Variants in TNKS observed in about 807,000 individuals in gnomAD.
The protein encoded by TNKS is tankyrase.
TNKS carries 72 observed loss-of-function variants against 135.8 expected under a neutral mutation model. The observed-to-expected ratio is 0.53, with a 90% confidence interval of 0.44 to 0.64. The LOEUF is 0.64. Ranked by LOEUF, TNKS falls within the 30% of genes least tolerant of loss-of-function variation. TNKS has a pLI of 0.00. For missense variants in TNKS, 1,769 were observed against 1,674.0 expected (o/e 1.06, Z -0.99); for synonymous variants, 849 against 649.3 (o/e 1.31, Z -4.68).
At chr8:9,556,835 A>G in intron 1 of TNKS, 1 of 592,838 alleles carries the variant, frequency 1.7e-6, no homozygotes, top group Non-Finnish European at 3.0e-6. Flanking sequence ...GTGGTTGCAC[A>G]GTACTCATTA....
chr8:9,714,724 G>A (rs1804518557), intron 11 of TNKS, among the ~76,000 whole-genome samples: 1 of 152,176 alleles, frequency 6.6e-6, no homozygotes, highest in African/African-American at 2.4e-5. Flanking sequence ...ACCTGGAAAT[G>A]AATTGGGTGT....
intron 3 of TNKS, among the ~76,000 whole-genome samples, chr8:9,660,336 C>T (rs953991305): frequency 4.0e-4 from 61 of 152,238 alleles, no homozygotes; most frequent in African/African-American, 1.4e-3. Flanking sequence ...CAAAAATCCT[C>T]AATAAAATAC....
At chr8:9,663,843 G>A (rs1338933556) in intron 3 of TNKS, among the ~76,000 whole-genome samples, 1 of 152,182 alleles carries the variant, frequency 6.6e-6, no homozygotes, top group African/African-American at 2.4e-5. Flanking sequence ...CTCCCTCCCA[G>A]TGCTCCACCT....
intron 3 of TNKS, among the ~76,000 whole-genome samples, chr8:9,664,355 A>G (rs1801887271): frequency 6.6e-6 from 1 of 152,182 alleles, no homozygotes; most frequent in South Asian, 2.1e-4. Context: ...TAATAGAGTG[A>G]GAACTCACTC....
intron 2 of TNKS, among the ~76,000 whole-genome samples, chr8:9,600,600 C>G (rs1798981157): frequency 6.6e-6 from 1 of 152,086 alleles, no homozygotes; most frequent in African/African-American, 2.4e-5. Context: ...GAGGCATGAG[C>G]CACTGCGCCT....
intron 20 of TNKS, among the ~76,000 whole-genome samples, chr8:9,760,379 C>G (rs1057271585): frequency 3.3e-5 from 5 of 152,164 alleles, no homozygotes; most frequent in African/African-American, 1.2e-4. Context: ...GTGATATATG[C>G]TCATTTCACT....
At chr8:9,615,424 T>A in intron 2 of TNKS, 158 bp from the exon 3 acceptor site, 1 of 522,536 alleles carries the variant, frequency 1.9e-6, no homozygotes, top group Non-Finnish European at 3.3e-6. Flanking sequence ...AGAGGCTCCT[T>A]TGCTGCAGTG....
chr8:9,776,940 T>C lies in TNKS; in HGVS notation c.*204T>C. 1.9e-6 allele frequency: 1 copy of C among 514,418 alleles called. No individual in the cohort carries two copies. The highest frequency in any genetic ancestry group is 3.4e-6 in the Non-Finnish European group (1 of 293,270). 31.9% of individuals were successfully genotyped at this position (514,418 alleles called of 1,614,324 possible). On this transcript the variant is annotated 3_prime_UTR_variant, in exon 27 of 27. Transcript: ENST00000310430. Reference sequence around the variant, plus strand: ...TGCTACTGTTCCCTTTGAGGAAATGTTTACAGGGGCGGCCTTTTAACATAT... The same window carrying C: ...TGCTACTGTTCCCTTTGAGGAAATGCTTACAGGGGCGGCCTTTTAACATAT...
At chr8:9,752,662 T>A (rs1806608097) in intron 20 of TNKS, 36 bp downstream of exon 20, 2 of 1,399,268 alleles carry the variant, frequency 1.4e-6, no homozygotes, top group Admixed American at 1.7e-5. Context: ...TCATTTAAAT[T>A]AAATACTAAG....
intron 2 of TNKS, among the ~76,000 whole-genome samples, chr8:9,595,212 C>A (rs971091065): frequency 1.3e-5 from 2 of 150,054 alleles, no homozygotes; most frequent in African/African-American, 4.9e-5. Flanking sequence ...CCTCTGCCTC[C>A]CAGGTTCAAG....
chr8:9,771,089 T>G (rs957349664), intron 26 of TNKS, among the ~76,000 whole-genome samples: 1 of 151,236 alleles, frequency 6.6e-6, no homozygotes, highest in Non-Finnish European at 1.5e-5. Context: ...AGTAGTAATA[T>G]AAGCATGTGT....
chr8:9,662,642 G>A (rs1801776325), intron 3 of TNKS, among the ~76,000 whole-genome samples: 1 of 152,120 alleles, frequency 6.6e-6, no homozygotes, highest in Non-Finnish European at 1.5e-5. Context: ...TACACCTAAT[G>A]CTAAATGATG....
At chr8:9,675,844 A>T (rs1802509760) in intron 3 of TNKS, among the ~76,000 whole-genome samples, 1 of 152,050 alleles carries the variant, frequency 6.6e-6, no homozygotes, top group Admixed American at 6.6e-5. Context: ...CTGCCTTGAC[A>T]CCAATTTCAG....
chr8:9,613,179 A>T (rs1799524432), intron 2 of TNKS, among the ~76,000 whole-genome samples: 1 of 152,202 alleles, frequency 6.6e-6, no homozygotes, highest in African/African-American at 2.4e-5. Context: ...GTCCGTAAAG[A>T]CTAAAATATT....
chr8:9,596,234 C>T (rs191297766), intron 2 of TNKS, among the ~76,000 whole-genome samples: 5 of 152,196 alleles, frequency 3.3e-5, no homozygotes, highest in African/African-American at 1.2e-4. Context: ...GTTGTGTAAC[C>T]AGGCAGATTT....
At chr8:9,573,032 G>A (rs1355727208) in intron 1 of TNKS, among the ~76,000 whole-genome samples, 1 of 148,916 alleles carries the variant, frequency 6.7e-6, no homozygotes, top group South Asian at 2.1e-4. Context: ...TATGTTATAT[G>A]TATATATATA....
At chr8:9,603,114 G>A (rs576758828) in intron 2 of TNKS, among the ~76,000 whole-genome samples, 62 of 151,766 alleles carry the variant, frequency 4.1e-4, no homozygotes, top group African/African-American at 1.1e-3. Context: ...GTACAGTGGC[G>A]CGATCTTGGC....
chr8:9,582,131 C>T (rs1239397607), intron 2 of TNKS, among the ~76,000 whole-genome samples: 1 of 152,100 alleles, frequency 6.6e-6, no homozygotes, highest in Admixed American at 6.5e-5. Context: ...GTTGTAAACC[C>T]CGGTATACTT....
chr8:9,581,029 A>G (rs748557482), intron 2 of TNKS, among the ~76,000 whole-genome samples: 13 of 152,236 alleles, frequency 8.5e-5, no homozygotes, highest in Non-Finnish European at 1.8e-4. Context: ...GAGGGCAAGT[A>G]TAATTTCTCT....
Sources: gnomAD v4.1 joint callset for allele counts (sites outside exome capture counted in the v4.1 genomes callset) on GRCh38, gnomAD v4.1.1 for gene constraint, MANE v1.5 for transcripts, NCBI Gene and HGNC (gene_info 2026-07-23, HGNC 2026-07-21) for gene names.